TARBP1: variants seen among roughly 807,000 people sequenced by gnomAD.
TARBP1 encodes the protein tRNA (guanosine(18)-2'-O)-methyltransferase TARBP1.
A neutral mutation model predicts 178.6 loss-of-function variants in TARBP1; 144 were observed. The observed-to-expected ratio is 0.81, with a 90% confidence interval of 0.70 to 0.93. The LOEUF is 0.93. Ranked by LOEUF, TARBP1 falls within the 40% of genes least tolerant of loss-of-function variation. The probability of loss-of-function intolerance (pLI) is 0.00; values close to 1 mark genes in which losing one functional copy is unlikely to be tolerated. For missense variants in TARBP1, 2,067 were observed against 2,011.7 expected, an observed-to-expected ratio of 1.03 and a Z score of -0.53; for synonymous variants, 787 against 781.0, an observed-to-expected ratio of 1.01 and a Z score of -0.13.
rs1662642548 is a variant in TARBP1, at chr1:234,418,103, A to G, written c.3686T>C (p.Phe1229Ser). The change falls in exon 22 of 30, where the codon TTC (phenylalanine) becomes TCC (serine). Residue 1229 changes from phenylalanine to serine, a missense_variant. Physicochemically the swap from Phe to Ser is radical, Grantham distance 155. Transcript: ENST00000040877. ...LHKFPQFLPK[F>S]WDCFSYGEEN... ...ACTTACATAAGAAAAACAATCCCAG[A>G]ACTTTGGAAGAAATTGAGGGAATTT... The G allele has an allele frequency of 7.1e-7, 1 of 1,413,752 alleles. No homozygotes were observed. Among genetic ancestry groups the G allele is most frequent in the African/African-American group, 1.5e-5 (1 of 66,256 alleles). The allele number at this position is 1,413,752 out of a possible 1,614,324, so 87.6% of individuals were successfully genotyped here.
chr1:234,395,815 C>A (rs571058357), intron 26 of TARBP1, among the ~76,000 whole-genome samples: 1 of 151,984 alleles, frequency 6.6e-6, no homozygotes, highest in East Asian at 1.9e-4. Context: ...TCAGAAGGTA[C>A]AAAGTTAGTC....
At chr1:234,476,820 G>A (rs1441467661) in intron 1 of TARBP1, among the ~76,000 whole-genome samples, 1 of 152,224 alleles carries the variant, frequency 6.6e-6, no homozygotes, top group Non-Finnish European at 1.5e-5. Flanking sequence ...AGAGGCCACA[G>A]GATTTGCTTT....
intron 6 of TARBP1, among the ~76,000 whole-genome samples, 163 bp downstream of exon 6, chr1:234,463,674 A>G (rs1050120051): frequency 4.6e-5 from 7 of 152,232 alleles, no homozygotes; most frequent in Non-Finnish European, 1.0e-4. Context: ...TGTGTACTCA[A>G]AAAAGATACT....
chr1:234,429,123 GAA>G lies in TARBP1; in HGVS notation c.3060+11_3060+12del, dbSNP rs1226736379. The G allele has an allele frequency of 6.5e-7, 1 of 1,548,502 alleles. No homozygotes were observed. ...CATGAAAAGAAAAGCAAAAAGAAAA[GAA>G]AGTTAGTTACCTCTTTTATTTTGAA... On this transcript the variant is annotated intron_variant, in intron 17 of 29. Coordinates refer to ENST00000040877, the MANE Select transcript of TARBP1 (RefSeq NM_005646.4).
intron 6 of TARBP1, among the ~76,000 whole-genome samples, chr1:234,461,302 TTTTG>T (rs368882492): frequency 6.0e-5 from 9 of 149,238 alleles, no homozygotes; most frequent in Admixed American, 1.3e-4. Flanking sequence ...AAAGGTAATT[TTTTG>T]TTTGTTTGTT....
intron 8 of TARBP1, among the ~76,000 whole-genome samples, chr1:234,458,408 G>A (rs982837319): frequency 6.6e-6 from 1 of 152,142 alleles, no homozygotes; most frequent in African/African-American, 2.4e-5. Context: ...AAACCACCTA[G>A]GTCTTTCATT....
intron 23 of TARBP1, among the ~76,000 whole-genome samples, chr1:234,409,311 A>C (rs1057048817): frequency 1.3e-5 from 2 of 152,244 alleles, no homozygotes; most frequent in African/African-American, 2.4e-5. Flanking sequence ...CTTTTACCAG[A>C]TCTAACATGA....
chr1:234,413,389 G>A (rs1481015313), intron 22 of TARBP1, among the ~76,000 whole-genome samples: 3 of 152,300 alleles, frequency 2.0e-5, no homozygotes, highest in African/African-American at 4.8e-5. Context: ...CAGGAGAATC[G>A]CTTGAACCCG....
At chr1:234,403,622 C>T (rs929246650) in intron 24 of TARBP1, among the ~76,000 whole-genome samples, 1 of 152,156 alleles carries the variant, frequency 6.6e-6, no homozygotes, top group Non-Finnish European at 1.5e-5. Context: ...TGTCACAAGC[C>T]GATCCCAAGG....
chr1:234,391,483 T>A lies in TARBP1; in HGVS notation c.*94A>T. On this transcript the variant is annotated 3_prime_UTR_variant, in exon 30 of 30. Coordinates refer to ENST00000040877, the MANE Select transcript of TARBP1 (RefSeq NM_005646.4). Reference sequence around the variant, plus strand: ...AATTGCAAGAAAAAAGAAATACAAATTATCACAATAAATTTCAGAATCTGT... The same window carrying A: ...AATTGCAAGAAAAAAGAAATACAAAATATCACAATAAATTTCAGAATCTGT... 1 of 1,339,190 alleles carries A rather than the reference T, an allele frequency of 7.5e-7. No homozygotes were observed. The highest frequency in any genetic ancestry group is 1.5e-5 in the African/African-American group (1 of 67,998). 83.0% of individuals were successfully genotyped at this position (1,339,190 alleles called of 1,614,324 possible).
intron 15 of TARBP1, among the ~76,000 whole-genome samples, 160 bp from the exon 16 acceptor site, chr1:234,429,837 C>T (rs1664231930): frequency 6.6e-6 from 1 of 151,744 alleles, no homozygotes; most frequent in Admixed American, 6.6e-5. Flanking sequence ...CTAAGGAAAC[C>T]ACATAAACCT....
intron 3 of TARBP1, among the ~76,000 whole-genome samples, 181 bp downstream of exon 3, chr1:234,471,007 A>C (rs757308419): frequency 9.2e-5 from 14 of 152,124 alleles, no homozygotes; most frequent in Non-Finnish European, 1.9e-4. Flanking sequence ...CATGATCCAG[A>C]AGGTGTGTAT....
At chr1:234,470,735 C>G (rs551705627) in intron 3 of TARBP1, among the ~76,000 whole-genome samples, 2 of 151,458 alleles carry the variant, frequency 1.3e-5, no homozygotes, top group South Asian at 4.2e-4. Context: ...CTTGCCTCAG[C>G]CTCTCGAGTA....
At chr1:234,402,360 A>G (rs1316564876) in intron 24 of TARBP1, among the ~76,000 whole-genome samples, 1 of 152,128 alleles carries the variant, frequency 6.6e-6, no homozygotes, top group African/African-American at 2.4e-5. Flanking sequence ...CACCCCCACC[A>G]CTAGCTGTTG....
rs578239946 is a variant in TARBP1 at position 234,391,441 on chromosome 1, G to A, written c.*136C>T. 155 of 926,286 alleles carry A rather than the reference G, an allele frequency of 1.7e-4. No homozygotes were observed. The African/African-American group carries it at 2.4e-3, about 14-fold the overall frequency. The allele number at this position is 926,286 out of a possible 1,614,324, so 57.4% of individuals were successfully genotyped here. On this transcript the variant is annotated 3_prime_UTR_variant, in exon 30 of 30. Coordinates refer to ENST00000040877, the MANE Select transcript of TARBP1 (RefSeq NM_005646.4). Reference sequence around the variant, plus strand: ...TATAGTAATATGTTTAAGGCACATGGCAAACTTTTGGCATTAAATTGCAAG... The same window carrying A: ...TATAGTAATATGTTTAAGGCACATGACAAACTTTTGGCATTAAATTGCAAG...
At chr1:234,429,094 C>T in intron 17 of TARBP1, 42 bp downstream of exon 17, 1 of 1,497,982 alleles carries the variant, frequency 6.7e-7, no homozygotes, top group Non-Finnish European at 8.9e-7. Flanking sequence ...CTGAAGCTCA[C>T]ACACATGAAA....
At chr1:234,439,260 T>A (rs1665351575) in intron 12 of TARBP1, among the ~76,000 whole-genome samples, 1 of 152,226 alleles carries the variant, frequency 6.6e-6, no homozygotes, top group Non-Finnish European at 1.5e-5. Flanking sequence ...AAAATTTGTT[T>A]GTTGGTTAAA....
intron 28 of TARBP1, among the ~76,000 whole-genome samples, chr1:234,392,909 T>C (rs950321284): frequency 2.0e-5 from 3 of 151,992 alleles, no homozygotes; most frequent in Non-Finnish European, 2.9e-5. Flanking sequence ...TTAGTAGAGA[T>C]GGGGTTTCAC....
At chr1:234,442,053 C>A (rs151257508) in intron 12 of TARBP1, among the ~76,000 whole-genome samples, 3 of 125,988 alleles carry the variant, frequency 2.4e-5, no homozygotes, top group African/African-American at 3.6e-5. Context: ...TGCAACTACA[C>A]CAGCAAAGGC....
Sources: allele counts gnomAD v4.1 joint callset (sites outside exome capture counted in the v4.1 genomes callset), GRCh38; gene constraint gnomAD v4.1.1; transcripts MANE v1.5; gene names NCBI Gene and HGNC (gene_info 2026-07-23, HGNC 2026-07-21).